ZNF335: variants seen among roughly 807,000 people sequenced by gnomAD.
ZNF335 encodes the protein zinc finger protein 335.
In ZNF335, 84 loss-of-function variants were observed where a neutral mutation model predicts 145.6. That is an observed-to-expected ratio of 0.58 (90% CI 0.48 to 0.69). ZNF335 has a LOEUF of 0.69. ZNF335 is among the 30% of genes least tolerant of loss of function. The pLI is 0.00. For synonymous variants in ZNF335, 761 were observed against 717.0 expected (o/e 1.06, Z -0.98); for missense variants, 1,865 against 1,809.7 (o/e 1.03, Z -0.55).
At position 45,971,267 on chromosome 20, in the gene ZNF335, C is replaced by A. The variant is rs1486298026; in HGVS notation, c.144G>T (p.Gln48His). The A allele has an allele frequency of 6.4e-7, 1 of 1,568,126 alleles. No homozygotes were observed. Among genetic ancestry groups the A allele is most frequent in the African/African-American group, 1.3e-5 (1 of 74,116 alleles). Residue 48 changes from glutamine to histidine, a missense_variant, in exon 2 of 28, where the codon CAG becomes CAT. Coordinates refer to ENST00000322927, the MANE Select transcript of ZNF335 (RefSeq NM_022095.4). ...DSSDAAAAPG[Q>H]AEADDSGVGQ... The stretch of plus-strand genomic sequence containing the variant: ...CCACGCCAGAGTCATCGGCCTCTGC[C>A]TGCCCCGGGGCGGCCGCGGCGTCGC...
chr20:45,950,098 G>A, intron 22 of ZNF335, 29 bp from the exon 23 acceptor site: 1 of 1,611,372 alleles, frequency 6.2e-7, no homozygotes, highest in Non-Finnish European at 8.5e-7. Flanking sequence ...ATGCTCACCT[G>A]GGGTCCAGGA....
chr20:45,960,333 T>G lies in ZNF335; in HGVS notation c.1895A>C (p.Asp632Ala). 6.2e-7 allele frequency: 1 copy of G among 1,614,178 alleles called. No homozygotes were observed. The highest frequency in any genetic ancestry group is 1.1e-5 in the South Asian group (1 of 91,080). The change falls in exon 14 of 28, where the codon GAC (aspartate) becomes GCC (alanine). Residue 632 changes from aspartate to alanine, a missense_variant. By Grantham distance (126) the Asp-to-Ala change is moderately radical. Transcript: ENST00000322927. ...CTGGTGGTTCAGCAGTGCCTTCTTG[T>G]CTTCACAAACAAACTCACAGAACTC... is the stretch of plus-strand genomic sequence containing the variant. ...KCEFCEFVCEDKKALLNHQLS... is the reference protein window; with the variant it reads ...KCEFCEFVCEAKKALLNHQLS...
In ZNF335 at chr20:45,949,197, C is replaced by A; in HGVS notation, c.3874G>T (p.Glu1292Ter). The part of the protein sequence containing the change: ...GQQLVTQAQL[E>*]AAAHSAVTAV... The stretch of plus-strand genomic sequence containing the variant: ...GTGACAGCTGAGTGTGCTGCAGCCT[C>A]AAGTTGAGCCTGTGTGACAAGCTGC... Residue 1292 changes from glutamate to a stop codon, truncating the protein, a stop_gained, in exon 27 of 28, where the codon GAG (glutamate) becomes TAG (stop). Transcript: ENST00000322927. LOFTEE classifies it high-confidence loss of function. 1 of 1,613,834 alleles carries A rather than the reference C, an allele frequency of 6.2e-7. No individual in the cohort carries two copies. The highest frequency in any genetic ancestry group is 8.5e-7 in the Non-Finnish European group (1 of 1,180,008).
chr20:45,957,798 T>G, intron 16 of ZNF335, 37 bp downstream of exon 16: 6 of 1,609,366 alleles, frequency 3.7e-6, no homozygotes, highest in Non-Finnish European at 5.1e-6. Context: ...TCAGAGGTCC[T>G]ACCCTCCATG....
intron 3 of ZNF335, chr20:45,968,609 C>T (rs1443344918): frequency 2.2e-6 from 1 of 446,870 alleles, no homozygotes; most frequent in South Asian, 4.5e-5. Context: ...GCCACAGCTA[C>T]ACCAGCTGCC....
In ZNF335 at chr20:45,957,892, C is replaced by T; in HGVS notation, c.2290G>A (p.Ala764Thr). The T allele has an allele frequency of 6.2e-7, 1 of 1,614,038 alleles. No homozygotes were observed. The highest frequency in any genetic ancestry group is 8.5e-7 in the Non-Finnish European group (1 of 1,180,006). The part of the protein sequence containing the change: ...PEATTFQSSE[A>T]PSLLCSDTLG... ...GTGTCAGAACAGAGCAATGAGGGAG[C>T]CTCAGATGACTGGAAAGTTGTCGCC... The change falls in exon 16 of 28, where the codon GCT (alanine) becomes ACT (threonine). Residue 764 changes from alanine (A) to threonine (T), a missense_variant. Physicochemically the swap from Ala to Thr is moderately conservative, Grantham distance 58. Transcript: ENST00000322927.
Position 45,972,176 on chromosome 20 carries a change from TC to T in ZNF335, c.-106del. On this transcript the variant is annotated 5_prime_UTR_variant, in exon 1 of 28. Transcript: ENST00000322927. ...GACTCCGGCATCGACGAGGTCGCCA[TC>T]CTCTTTCCTCCGCTGCGGAGGAACC... 2.3e-6 allele frequency: 3 copies of T among 1,289,294 alleles called. No individual in the cohort carries two copies. In the South Asian group the frequency reaches 3.7e-5, roughly 16 times the overall value. 79.9% of individuals were successfully genotyped at this position (1,289,294 alleles called of 1,614,324 possible).
chr20:45,964,160 AC>A (rs1397450564), intron 7 of ZNF335, 170 bp from the exon 8 acceptor site: 4 of 765,464 alleles, frequency 5.2e-6, no homozygotes, highest in Non-Finnish European at 7.7e-6. Flanking sequence ...CAGCATGGAT[AC>A]TACCGCCCAA....
intron 6 of ZNF335, among the ~76,000 whole-genome samples, chr20:45,966,353 C>T (rs932534142): frequency 1.3e-5 from 2 of 151,938 alleles, no homozygotes; most frequent in African/African-American, 2.4e-5. Flanking sequence ...GCTGAGATTA[C>T]AGGCGTGAGC....
chr20:45,949,363 T>C lies in ZNF335; in HGVS notation c.3789A>G (p.Glu1263=). 1.2e-6 allele frequency: 2 copies of C among 1,614,106 alleles called. No individual in the cohort carries two copies. The highest frequency in any genetic ancestry group is 1.7e-6 in the Non-Finnish European group (2 of 1,180,020). The change falls in exon 26 of 28, where the codon GAA becomes GAG. Residue 1263 remains glutamate (E), a synonymous_variant. Transcript: ENST00000322927. ...ACTCCTGAAGGAACGGGGCTCCTTG[T>C]TCATACTGGATGTGTGTGATCTGGC... ...QEGQITHIQY[E]QGAPFLQESQ...
At position 45,967,647 on chromosome 20, in the gene ZNF335, G is replaced by A. The variant is rs1318035523; in HGVS notation, c.815-13C>T. On this transcript the variant is annotated splice_polypyrimidine_tract_variant and intron_variant, in intron 5 of 27. Coordinates refer to ENST00000322927, the MANE Select transcript of ZNF335 (RefSeq NM_022095.4). The stretch of plus-strand genomic sequence containing the variant: ...GCGGCTGCTGCTACTGGAAGTGGAG[G>A]GAGGGTAAGACAAGCTTGCCATGTC... 1.2e-6 allele frequency: 2 copies of A among 1,613,594 alleles called. No individual in the cohort carries two copies. The highest frequency in any genetic ancestry group is 1.7e-5 in the Admixed American group (1 of 60,016).
intron 17 of ZNF335, among the ~76,000 whole-genome samples, chr20:45,954,654 C>G (rs750280685): frequency 2.6e-5 from 4 of 151,444 alleles, no homozygotes; most frequent in Admixed American, 1.3e-4. Flanking sequence ...AAAGCAATAA[C>G]TAAAAGCTAA....
chr20:45,960,161 A>G (rs769294221), intron 14 of ZNF335, 47 bp downstream of exon 14: 22 of 1,605,796 alleles, frequency 1.4e-5, no homozygotes, highest in Non-Finnish European at 1.7e-5. Flanking sequence ...TCAGGGGTAC[A>G]GGGCACTGAG....
At chr20:45,962,568 C>T (rs147382965) in intron 9 of ZNF335, among the ~76,000 whole-genome samples, 164 of 152,326 alleles carry the variant, frequency 1.1e-3, no homozygotes, top group African/African-American at 3.7e-3. Flanking sequence ...ACAGCGTGCA[C>T]AGAGCACAGG....
At position 45,967,894 on chromosome 20, in the gene ZNF335, C is replaced by G. The variant is rs2083988931; in HGVS notation, c.654G>C (p.Gln218His). 2.5e-6 allele frequency: 4 copies of G among 1,612,550 alleles called. No individual in the cohort carries two copies. The highest frequency in any genetic ancestry group is 3.4e-6 in the Non-Finnish European group (4 of 1,179,626). Reference sequence around the variant, plus strand: ...CTTCGGCACCGGAGGCTGGGGGCAGCTGCACCGGGGAGCTGGGCCCACCCT... The same window carrying G: ...CTTCGGCACCGGAGGCTGGGGGCAGGTGCACCGGGGAGCTGGGCCCACCCT... ...EAQGGPSSPV[Q>H]LPPASGAEEP... Residue 218 changes from glutamine (Q) to histidine (H), a missense_variant, in exon 5 of 28, where the codon CAG (glutamine) becomes CAC (histidine). Gln to His is a conservative substitution (Grantham distance 24). Coordinates refer to ENST00000322927, the MANE Select transcript of ZNF335 (RefSeq NM_022095.4).
intron 1 of ZNF335, 99 bp from the exon 2 acceptor site, chr20:45,971,559 G>A (rs2084068213): frequency 1.4e-6 from 2 of 1,460,060 alleles, no homozygotes; most frequent in Non-Finnish European, 1.8e-6. Context: ...TTTTGCAGAT[G>A]CGAAGATTGA....
chr20:45,971,498 C>T, intron 1 of ZNF335, 38 bp from the exon 2 acceptor site: 4 of 1,547,974 alleles, frequency 2.6e-6, no homozygotes, highest in Non-Finnish European at 3.5e-6. Context: ...ACAAGTGGGC[C>T]ATCTCCCCAG....
chr20:45,957,951 C>T (rs774766619), intron 15 of ZNF335, 23 bp from the exon 16 acceptor site: 16 of 1,604,852 alleles, frequency 1.0e-5, no homozygotes, highest in South Asian at 5.5e-5. Context: ...GATATGGCCA[C>T]GCCTGAGAGG....
Position 45,950,083 on chromosome 20 carries a change from A to G in ZNF335, c.3488-14T>C, listed in dbSNP as rs1333146958. The G allele has an allele frequency of 6.2e-7, 1 of 1,612,770 alleles. No individual in the cohort carries two copies. The highest frequency in any genetic ancestry group is 8.5e-7 in the Non-Finnish European group (1 of 1,179,454). On this transcript the variant is annotated splice_polypyrimidine_tract_variant and intron_variant, in intron 22 of 27. Transcript: ENST00000322927. The stretch of plus-strand genomic sequence containing the variant: ...ACTGGAGTGCAGCTGGGCAGAGAGG[A>G]GAGGATGCTCACCTGGGGTCCAGGA...
Sources: gnomAD v4.1 joint callset for allele counts (sites outside exome capture counted in the v4.1 genomes callset) on GRCh38, gnomAD v4.1.1 for gene constraint, MANE v1.5 for transcripts, NCBI Gene and HGNC (gene_info 2026-07-23, HGNC 2026-07-21) for gene names.